Variants in UBAP2L observed in about 807,000 individuals in gnomAD.
UBAP2L encodes the protein ubiquitin-associated protein 2-like.
In UBAP2L, 12 loss-of-function variants were observed where a neutral mutation model predicts 130.6. The ratio of observed to expected loss-of-function variants is 0.09; its 90% CI spans 0.06 to 0.15. The LOEUF (loss-of-function observed/expected upper bound fraction) is 0.15, where lower values mean the gene tolerates loss of function less well. Among genes scored for constraint, UBAP2L ranks in the 10% least tolerant of loss-of-function variants. UBAP2L has a pLI of 1.00. For missense variants in UBAP2L, 965 were observed against 1,332.5 expected (o/e 0.72, Z 4.29); for synonymous variants, 503 against 524.7 (o/e 0.96, Z 0.57).
chr1:154,251,217 C>A lies in UBAP2L; in HGVS notation c.1390C>A (p.Pro464Thr). Residue 464 changes from proline to threonine, a missense_variant, in exon 13 of 27, where the codon CCA becomes ACA. Pro to Thr is a conservative substitution (Grantham distance 38). Transcript: ENST00000428931. ...TCTGCCAAGCAAATCCACATCGGCTCCACAGATGTCGCCTGGATCTTCAGA... is the reference window on the plus strand; with the variant it reads ...TCTGCCAAGCAAATCCACATCGGCTACACAGATGTCGCCTGGATCTTCAGA... ...SPLPSKSTSA[P>T]QMSPGSSDNQ... 6.2e-7 allele frequency: 1 copy of A among 1,614,198 alleles called. No individual in the cohort carries two copies. Among genetic ancestry groups the A allele is most frequent in the Non-Finnish European group, 8.5e-7 (1 of 1,180,048 alleles).
upstream of UBAP2L, chr1:154,220,770 G>T: frequency 8.0e-6 from 2 of 250,904 alleles, no homozygotes; most frequent in Non-Finnish European, 1.6e-5. Flanking sequence ...CCGGAAAGAG[G>T]TGTCTCGTGG....
At position 154,260,880 on chromosome 1, in the gene UBAP2L, C is replaced by T; in HGVS notation, c.2579-12C>T. ...TGAAAGAGGCAGGTACATTTAGCTT[C>T]TCCTGTCACAGGTGACCTCACAAAG... On this transcript the variant is annotated splice_polypyrimidine_tract_variant and intron_variant, in intron 22 of 26. Coordinates refer to ENST00000428931, the MANE Select transcript of UBAP2L (RefSeq NM_014847.4). The T allele has an allele frequency of 6.2e-7, 1 of 1,613,754 alleles. No homozygotes were observed. The highest frequency in any genetic ancestry group is 8.5e-7 in the Non-Finnish European group (1 of 1,179,680).
chr1:154,260,672 A>G (rs187254889), intron 22 of UBAP2L, among the ~76,000 whole-genome samples: 1 of 152,368 alleles, frequency 6.6e-6, no homozygotes, highest in Non-Finnish European at 1.5e-5. Flanking sequence ...CTCCTGCCAT[A>G]GCATTGCACA....
intron 2 of UBAP2L, 31 bp from the exon 3 acceptor site, chr1:154,227,251 T>G: frequency 1.3e-6 from 2 of 1,593,534 alleles, no homozygotes; most frequent in Non-Finnish European, 1.7e-6. Context: ...GCCTCATGAT[T>G]ATGCTTTCTT....
intron 24 of UBAP2L, chr1:154,263,163 G>A: frequency 6.4e-7 from 1 of 1,552,002 alleles, no homozygotes; most frequent in Non-Finnish European, 8.7e-7. Context: ...TTTGGCCCAA[G>A]GCTGGGGGCT....
Position 154,234,709 on chromosome 1 carries a change from G to A in UBAP2L, c.398G>A (p.Arg133Gln). 3 of 1,612,124 alleles carry A rather than the reference G, an allele frequency of 1.9e-6. No homozygotes were observed. Among genetic ancestry groups the A allele is most frequent in the South Asian group, 1.1e-5 (1 of 90,662 alleles). The part of the protein sequence containing the change: ...NRDRDRDYSR[R>Q]RGGPPRRGRG... ...GACCGGGACAGAGACTATAGTCGGC[G>A]ACGTGGTGGGCCACCAAGACGGGGG... is the stretch of plus-strand genomic sequence containing the variant. The change falls in exon 5 of 27, where the codon CGA (arginine) becomes CAA (glutamine). Residue 133 changes from arginine (R) to glutamine (Q), a missense_variant. Physicochemically the swap from Arg to Gln is conservative, Grantham distance 43. Around this residue, in one of 9 missense-constraint regions of UBAP2L, gnomAD observed 109 missense variants for 146.6 expected, o/e 0.74. Coordinates refer to ENST00000428931, the MANE Select transcript of UBAP2L (RefSeq NM_014847.4).
Position 154,270,829 on chromosome 1 carries a change from T to C in UBAP2L, c.*534T>C. 6.8e-7 allele frequency: 1 copy of C among 1,476,318 alleles called. No individual in the cohort carries two copies. The highest frequency in any genetic ancestry group is 2.5e-5 in the East Asian group (1 of 39,944). The allele number at this position is 1,476,318 out of a possible 1,614,324, so 91.5% of individuals were successfully genotyped here. ...TTAATGGATTAATGTGTCTTGTATATATAAAAAGAAAACCTCTACCTTCAG... is the reference window on the plus strand; with the variant it reads ...TTAATGGATTAATGTGTCTTGTATACATAAAAAGAAAACCTCTACCTTCAG... On this transcript the variant is annotated 3_prime_UTR_variant, in exon 27 of 27. Coordinates refer to ENST00000428931, the MANE Select transcript of UBAP2L (RefSeq NM_014847.4).
intron 12 of UBAP2L, 67 bp downstream of exon 12, chr1:154,249,504 G>A: frequency 6.3e-7 from 1 of 1,593,796 alleles, no homozygotes; most frequent in South Asian, 1.1e-5. Context: ...GGCTAGCAGG[G>A]GGAGGGGGTG....
At chr1:154,259,491 CT>C (rs1021335318) in intron 21 of UBAP2L, among the ~76,000 whole-genome samples, 12 of 149,728 alleles carry the variant, frequency 8.0e-5, no homozygotes, top group South Asian at 2.1e-4. Flanking sequence ...CGCACCCAGC[CT>C]TTTTTTTTTC....
chr1:154,227,229 C>T, intron 2 of UBAP2L, 53 bp from the exon 3 acceptor site: 2 of 1,515,116 alleles, frequency 1.3e-6, no homozygotes, highest in Admixed American at 1.7e-5. Flanking sequence ...GGTTCCTGTT[C>T]TCTAAACTGT....
At chr1:154,249,579 C>A in intron 12 of UBAP2L, 142 bp downstream of exon 12, 1 of 931,216 alleles carries the variant, frequency 1.1e-6, no homozygotes, top group Non-Finnish European at 1.6e-6. Flanking sequence ...TGTATTTCCC[C>A]TAATCAAATA....
chr1:154,266,908 A>C (rs1459260496), intron 25 of UBAP2L, among the ~76,000 whole-genome samples: 2 of 152,216 alleles, frequency 1.3e-5, no homozygotes, highest in Non-Finnish European at 2.9e-5. Context: ...GAGTGACAGG[A>C]AACTAGTTCA....
Position 154,253,787 on chromosome 1 carries a change from T to C in UBAP2L, c.1665-113T>C, listed in dbSNP as rs772646491. On this transcript the variant is annotated intron_variant, in intron 14 of 26. Coordinates refer to ENST00000428931, the MANE Select transcript of UBAP2L (RefSeq NM_014847.4). ...GATTCTTCTATTTGTTGCTGAAAAA[T>C]TTCTTCTTGATTCAAATCAAGTTAT... is the stretch of plus-strand genomic sequence containing the variant. 1.5e-5 allele frequency: 17 copies of C among 1,113,922 alleles called. No individual in the cohort carries two copies. The Admixed American group carries it at 2.6e-4, about 17-fold the overall frequency. 69.0% of individuals were successfully genotyped at this position (1,113,922 alleles called of 1,614,324 possible).
chr1:154,236,345 T>C (rs1412888145), intron 6 of UBAP2L, among the ~76,000 whole-genome samples: 2 of 152,108 alleles, frequency 1.3e-5, no homozygotes, highest in African/African-American at 4.8e-5. Flanking sequence ...ACTATAGGTG[T>C]GTGCCACCAC....
chr1:154,236,401 A>G (rs3762339), intron 6 of UBAP2L, among the ~76,000 whole-genome samples, 165 bp from the exon 7 acceptor site: 64,437 of 151,896 alleles, frequency 0.42, 14,288 homozygotes, highest in South Asian at 0.64. Context: ...GTTTTGCTCT[A>G]TTGCCTAGGC....
rs759907424 is a variant in UBAP2L at position 154,259,035 on chromosome 1, G to C, written c.2496+5G>C. The C allele has an allele frequency of 6.2e-7, 1 of 1,613,334 alleles. No homozygotes were observed. Among genetic ancestry groups the C allele is most frequent in the Non-Finnish European group, 8.5e-7 (1 of 1,179,368 alleles). On this transcript the variant is annotated splice_donor_5th_base_variant and intron_variant, in intron 21 of 26. Coordinates refer to ENST00000428931, the MANE Select transcript of UBAP2L (RefSeq NM_014847.4). ...CTTCAGACAAGATTTCCATTGGTGA[G>C]TATGTGGGATAGAGCTTTGGAAAAG...
At chr1:154,251,879 A>G (rs1677712846) in intron 14 of UBAP2L, among the ~76,000 whole-genome samples, 1 of 152,134 alleles carries the variant, frequency 6.6e-6, no homozygotes, top group Non-Finnish European at 1.5e-5. Context: ...GCTGACACTT[A>G]TAATCCCAGC....
In UBAP2L at chr1:154,251,647, C is replaced by T. The variant is rs150918658; in HGVS notation, c.1658C>T (p.Thr553Met). 28 of 1,613,794 alleles carry T rather than the reference C, an allele frequency of 1.7e-5. No homozygotes were observed. The highest frequency in any genetic ancestry group is 1.1e-4 in the African/African-American group (8 of 74,880). Residue 553 changes from threonine (T) to methionine (M), a missense_variant, in exon 14 of 27, where the codon ACG becomes ATG. Physicochemically the swap from Thr to Met is moderately conservative, Grantham distance 81. Transcript: ENST00000428931. ...GCTCCAAGTAGCCTGTATACCAGCA[C>T]GGCCAGGTAGAGGAAACATTAACCA... The part of the protein sequence containing the change: ...SQAPSSLYTS[T>M]ASESSSTISS...
intron 22 of UBAP2L, among the ~76,000 whole-genome samples, 190 bp downstream of exon 22, chr1:154,260,219 A>G (rs758678897): frequency 1.9e-4 from 29 of 152,076 alleles, no homozygotes; most frequent in Non-Finnish European, 3.4e-4. Flanking sequence ...TTTCTAGATG[A>G]TATCTTAGCC....
Sources: allele counts gnomAD v4.1 joint callset (sites outside exome capture counted in the v4.1 genomes callset), GRCh38; gene constraint gnomAD v4.1.1; regional missense constraint gnomAD v4.1.1; transcripts MANE v1.5; gene names NCBI Gene and HGNC (gene_info 2026-07-23, HGNC 2026-07-21).